RPSA2: variants seen among roughly 807,000 people sequenced by gnomAD.
RPSA2 encodes the protein ribosomal protein SA 2, also known as small ribosomal subunit protein uS2B.
the RPSA2 span, among the ~76,000 whole-genome samples, chr19:23,784,929 C>G: frequency 1.3e-5 from 2 of 152,344 alleles, no homozygotes; most frequent in Non-Finnish European, 2.9e-5. Context: ...TACTCATGTA[C>G]TTAGACCCAA....
chr19:23,782,690 G>A, the RPSA2 span, among the ~76,000 whole-genome samples: 1 of 152,076 alleles, frequency 6.6e-6, no homozygotes, highest in South Asian at 2.1e-4. Flanking sequence ...TTTTCTTCTG[G>A]GGTTTGTCCA....
At chr19:23,803,252 G>T in the RPSA2 span, among the ~76,000 whole-genome samples, 2 of 151,886 alleles carry the variant, frequency 1.3e-5, no homozygotes, top group Non-Finnish European at 2.9e-5. Flanking sequence ...CCATACTCTG[G>T]AGTCTTGTCT....
chr19:23,845,623 C>T, the RPSA2 span, among the ~76,000 whole-genome samples: 1 of 152,192 alleles, frequency 6.6e-6, no homozygotes, highest in Non-Finnish European at 1.5e-5. Flanking sequence ...TCCTGAGTAG[C>T]TAGTATCATA....
chr19:23,786,758 C>T, the RPSA2 span, among the ~76,000 whole-genome samples: 1 of 151,946 alleles, frequency 6.6e-6, no homozygotes, highest in African/African-American at 2.4e-5. Flanking sequence ...TGATGTGACT[C>T]TCCTCTTTTT....
chr19:23,850,111 G>T, the RPSA2 span, among the ~76,000 whole-genome samples: 2 of 151,610 alleles, frequency 1.3e-5, no homozygotes, highest in African/African-American at 4.8e-5. Flanking sequence ...CCTTCTCCTG[G>T]TTGAGTGGGG....
chr19:23,845,731 A>G, the RPSA2 span, among the ~76,000 whole-genome samples: 1 of 152,160 alleles, frequency 6.6e-6, no homozygotes, highest in Non-Finnish European at 1.5e-5. Flanking sequence ...ACCTCAGGCG[A>G]TCCACCTGCC....
chr19:23,779,878 G>C, the RPSA2 span, among the ~76,000 whole-genome samples: 1 of 152,128 alleles, frequency 6.6e-6, no homozygotes, highest in African/African-American at 2.4e-5. Flanking sequence ...GGAGAAAATT[G>C]TAACACGTCA....
the RPSA2 span, chr19:23,782,435 G>T: frequency 2.0e-5 from 3 of 152,054 alleles, no homozygotes; most frequent in South Asian, 6.2e-4. Flanking sequence ...CCTGAATCCT[G>T]ACTACAGGGA....
chr19:23,832,235 G>T, the RPSA2 span: 4 of 444,756 alleles, frequency 9.0e-6, no homozygotes, highest in South Asian at 7.0e-5. Context: ...TGTGAAGAAT[G>T]TGGCAAAGCG....
At chr19:23,845,311 G>C in the RPSA2 span, among the ~76,000 whole-genome samples, 1 of 140,108 alleles carries the variant, frequency 7.1e-6, no homozygotes, top group South Asian at 2.3e-4. Flanking sequence ...AATTTTGTTT[G>C]TTACTAATTT....
chr19:23,767,634 A>C, the RPSA2 span, among the ~76,000 whole-genome samples: 7 of 152,098 alleles, frequency 4.6e-5, no homozygotes, highest in Admixed American at 4.6e-4. Context: ...GATGGGGATG[A>C]CAGAATATTT....
chr19:23,773,771 T>A, the RPSA2 span, among the ~76,000 whole-genome samples: 1 of 151,964 alleles, frequency 6.6e-6, no homozygotes, highest in South Asian at 2.1e-4. Flanking sequence ...TCAGCACACC[T>A]GTGAGTCTGT....
the RPSA2 span, among the ~76,000 whole-genome samples, chr19:23,804,951 G>C: frequency 6.6e-6 from 1 of 152,028 alleles, no homozygotes; most frequent in Non-Finnish European, 1.5e-5. Context: ...ACGAGTTCAA[G>C]ATACATTTAT....
chr19:23,771,585 G>A, the RPSA2 span, among the ~76,000 whole-genome samples: 111 of 150,994 alleles, frequency 7.4e-4, no homozygotes, highest in Middle Eastern at 3.6e-3. Flanking sequence ...GTGTACAGAC[G>A]GGGTTGTGCC....
chr19:23,857,485 CT>C, the RPSA2 span, among the ~76,000 whole-genome samples: 131 of 95,252 alleles, frequency 1.4e-3, no homozygotes, highest in African/African-American at 4.0e-3. Flanking sequence ...TTTTTAAAGT[CT>C]TTTTTTTTTT....
the RPSA2 span, among the ~76,000 whole-genome samples, chr19:23,781,614 C>T: frequency 6.6e-6 from 1 of 152,176 alleles, no homozygotes; most frequent in East Asian, 1.9e-4. Flanking sequence ...GGTGGGATTA[C>T]AGGTGTAAGC....
the RPSA2 span, among the ~76,000 whole-genome samples, chr19:23,796,879 T>C: frequency 1.4e-5 from 2 of 146,322 alleles, no homozygotes; most frequent in Admixed American, 6.9e-5. Flanking sequence ...TTTTTTTTCA[T>C]AGACTTAATT....
chr19:23,810,432 T>G, the RPSA2 span, among the ~76,000 whole-genome samples: 5 of 16,094 alleles, frequency 3.1e-4, 2 homozygotes, highest in Non-Finnish European at 6.3e-4. Flanking sequence ...GGAAAAGGGC[T>G]TGGATAGTTG....
At chr19:23,774,367 C>T in the RPSA2 span, among the ~76,000 whole-genome samples, 3 of 152,196 alleles carry the variant, frequency 2.0e-5, no homozygotes, top group Non-Finnish European at 4.4e-5. Context: ...TGCCTGTTCC[C>T]TGCTCACAGT....
Sources: allele counts gnomAD v4.1 joint callset (sites outside exome capture counted in the v4.1 genomes callset), GRCh38; gene constraint gnomAD v4.1.1; transcripts MANE v1.5; gene names NCBI Gene and HGNC (gene_info 2026-07-23, HGNC 2026-07-21).